KLRC1: variants seen among roughly 807,000 people sequenced by gnomAD.
The protein encoded by KLRC1 is NKG2-A/NKG2-B type II integral membrane protein.
A neutral mutation model predicts 25.9 loss-of-function variants in KLRC1; 22 were observed. The observed-to-expected ratio is 0.85, with a 90% CI of 0.61 to 1.21. The LOEUF is 1.21. KLRC1 is among the 50% of genes most tolerant of loss of function. The pLI, the probability that KLRC1 is intolerant of heterozygous loss-of-function variation, is 0.00. For synonymous variants in KLRC1, 77 were observed against 93.1 expected, an observed-to-expected ratio of 0.83 and a Z score of 0.99; for missense variants, 240 against 272.2, an observed-to-expected ratio of 0.88 and a Z score of 0.83.
chr12:10,443,632 T>A (rs1324422761), downstream of KLRC1, among the ~76,000 whole-genome samples: 1 of 141,826 alleles, frequency 7.1e-6, no homozygotes, highest in East Asian at 2.1e-4. Flanking sequence ...GACAGAAAGA[T>A]CTGAACTAGA....
rs768870976 is a variant in KLRC1, at chr12:10,447,513, G to T, written c.590+19C>A. ...CTTTATATATATATTGTTATATAGC[G>T]CCATACAAAACAACTTACTCATGTT... On this transcript the variant is annotated intron_variant, in intron 6 of 6. Coordinates refer to ENST00000359151, the MANE Select transcript of KLRC1 (RefSeq NM_002259.5). The T allele has an allele frequency of 6.5e-7, 1 of 1,548,468 alleles. No individual in the cohort carries two copies. Among genetic ancestry groups the T allele is most frequent in the South Asian group, 1.1e-5 (1 of 87,374 alleles).
downstream of KLRC1, among the ~76,000 whole-genome samples, chr12:10,444,224 A>C (rs1863945769): frequency 2.1e-5 from 3 of 142,066 alleles, 1 homozygote; most frequent in South Asian, 6.6e-4. Flanking sequence ...AACTAAATAC[A>C]AGTGGTGTAT....
At position 10,450,485 on chromosome 12, in the gene KLRC1, G is replaced by A; in HGVS notation, c.282C>T (p.Pro94=). The A allele has an allele frequency of 6.4e-7, 1 of 1,560,994 alleles. No homozygotes were observed. Among genetic ancestry groups the A allele is most frequent in the Admixed American group, 1.7e-5 (1 of 59,084 alleles). ...MASVVTIVVI[P]STLIQRHNNS... is the part of the protein sequence containing the mutation. ...TGTAATCTTCGAAAATAGACTTACA[G>A]GGAATAACAACTATCGTTACCACAG... The change falls in exon 3 of 7, where the codon CCC becomes CCT. Residue 94 remains proline, a splice_region_variant and synonymous_variant. Transcript: ENST00000359151.
chr12:10,450,658 G>T, intron 2 of KLRC1, 79 bp from the exon 3 acceptor site: 1 of 853,036 alleles, frequency 1.2e-6, no homozygotes, highest in Non-Finnish European at 1.9e-6. Flanking sequence ...AAGAGAACCT[G>T]AATGCACAGG....
chr12:10,449,503 C>T lies in KLRC1; in HGVS notation c.338-115G>A. Reference sequence around the variant, plus strand: ...CGTATGCAACATATCTATACATCTTCATGGGCTGGTAAATATATAGTGTCA... The same window carrying T: ...CGTATGCAACATATCTATACATCTTTATGGGCTGGTAAATATATAGTGTCA... On this transcript the variant is annotated intron_variant, in intron 4 of 6. Coordinates refer to ENST00000359151, the MANE Select transcript of KLRC1 (RefSeq NM_002259.5). 5 of 1,496,882 alleles carry T rather than the reference C, an allele frequency of 3.3e-6. No homozygotes were observed. In the South Asian group the frequency reaches 6.8e-5, roughly 20 times the overall value. 92.7% of individuals were successfully genotyped at this position (1,496,882 alleles called of 1,614,324 possible).
chr12:10,454,007 TC>T (rs1184115673), upstream of KLRC1, among the ~76,000 whole-genome samples: 1 of 152,254 alleles, frequency 6.6e-6, no homozygotes, highest in African/African-American at 2.4e-5. Context: ...TTCATTACAT[TC>T]TTCATTTATT....
intron 1 of KLRC1, among the ~76,000 whole-genome samples, chr12:10,452,847 T>C (rs1864152735): frequency 6.6e-6 from 1 of 152,220 alleles, no homozygotes; most frequent in Admixed American, 6.5e-5. Context: ...TTTATTTTAA[T>C]AATCTTTAAT....
intron 1 of KLRC1, chr12:10,451,443 G>A (rs889812417): frequency 9.7e-6 from 2 of 207,238 alleles, no homozygotes; most frequent in African/African-American, 4.6e-5. Flanking sequence ...CGATCACGAG[G>A]TCAGGAGATC....
chr12:10,450,244 C>T (rs1864093248), intron 3 of KLRC1: 1 of 466,994 alleles, frequency 2.1e-6, no homozygotes, highest in African/African-American at 2.0e-5. Flanking sequence ...TTTTCAGACT[C>T]CTAGAACATA....
chr12:10,448,960 C>G (rs941760227), intron 5 of KLRC1, among the ~76,000 whole-genome samples: 12 of 152,118 alleles, frequency 7.9e-5, no homozygotes, highest in African/African-American at 2.4e-4. Context: ...ATGACCAGAT[C>G]ACATCATGCC....
upstream of KLRC1, chr12:10,454,507 G>T: frequency 1.9e-6 from 1 of 529,358 alleles, no homozygotes; most frequent in Non-Finnish European, 2.4e-6. Flanking sequence ...TGTAGACCCT[G>T]AAACAGCCCT....
Position 10,451,079 on chromosome 12 carries a change from G to A in KLRC1, c.78C>T (p.Gly26=). ...CAGTTGCTAAAATGGAGTTTTTATT[G>A]CCTTTAGGTTTTCGTTGCTGCCTCT... ...NPKRQQRKPK[G]NKNSILATEQ... Residue 26 remains glycine (G), a synonymous_variant, in exon 2 of 7, where the codon GGC becomes GGT. Coordinates refer to ENST00000359151, the MANE Select transcript of KLRC1 (RefSeq NM_002259.5). 1.2e-6 allele frequency: 2 copies of A among 1,613,924 alleles called. No individual in the cohort carries two copies. The highest frequency in any genetic ancestry group is 1.7e-6 in the Non-Finnish European group (2 of 1,179,862).
rs1863992059 is a variant in KLRC1 at position 10,446,629 on chromosome 12, A to G, written c.624T>C (p.Cys208=). The G allele has an allele frequency of 6.2e-7, 1 of 1,613,854 alleles. No individual in the cohort carries two copies. The highest frequency in any genetic ancestry group is 8.5e-7 in the Non-Finnish European group (1 of 1,179,908). Residue 208 remains cysteine (C), a synonymous_variant, in exon 7 of 7, where the codon TGT becomes TGC. Transcript: ENST00000359151. ...IKDSDNAELN[C]AVLQVNRLKS... ...TAAGTCGATTTACTTGTAGCACTGC[A>G]CAGTTAAGTTCAGCATTATCTGAGT...
At chr12:10,445,830 G>T (rs1431549380), downstream of KLRC1, among the ~76,000 whole-genome samples, 1 of 151,848 alleles carries the variant, frequency 6.6e-6, no homozygotes, top group Non-Finnish European at 1.5e-5. Flanking sequence ...ATTTACAAAA[G>T]CATAAATGTA....
Position 10,446,175 on chromosome 12 carries a change from C to A in KLRC1, c.*376G>T, listed in dbSNP as rs866925115. On this transcript the variant is annotated 3_prime_UTR_variant, in exon 7 of 7. Transcript: ENST00000359151. Reference sequence around the variant, plus strand: ...ACTGAAATTTAGAAAGTTTTCATCACGACACAAAGTAACGTTCTATCAGTT... The same window carrying A: ...ACTGAAATTTAGAAAGTTTTCATCAAGACACAAAGTAACGTTCTATCAGTT... 1.6e-5 allele frequency: 3 copies of A among 186,546 alleles called. No individual in the cohort carries two copies. Among genetic ancestry groups the A allele is most frequent in the Admixed American group, 5.5e-5 (1 of 18,166 alleles). 11.6% of individuals were successfully genotyped at this position (186,546 alleles called of 1,614,324 possible).
rs1864157312 is a variant in KLRC1, at chr12:10,453,127, C to T, written c.-32+71G>A. The stretch of plus-strand genomic sequence containing the variant: ...TATATTAATTATACCTCCTTTGTAT[C>T]ATATTGAGCACTTGAAATCACCCAC... On this transcript the variant is annotated intron_variant, in intron 1 of 6. Coordinates refer to ENST00000359151, the MANE Select transcript of KLRC1 (RefSeq NM_002259.5). The T allele has an allele frequency of 6.9e-6, 4 of 577,022 alleles. No homozygotes were observed. In the South Asian group the frequency reaches 3.1e-4, roughly 44 times the overall value. 35.7% of individuals were successfully genotyped at this position (577,022 alleles called of 1,614,324 possible).
intron 3 of KLRC1, 167 bp downstream of exon 3, chr12:10,450,317 A>G: frequency 1.9e-6 from 1 of 526,628 alleles, no homozygotes; most frequent in Non-Finnish European, 3.3e-6. Context: ...ACTTTCAACA[A>G]TTATTCTTTC....
chr12:10,451,009 G>C lies in KLRC1; in HGVS notation c.148C>G (p.Gln50Glu), dbSNP rs1226014110. 1 of 1,613,428 alleles carries C rather than the reference G, an allele frequency of 6.2e-7. No homozygotes were observed. The change falls in exon 2 of 7, where the codon CAG becomes GAG. Residue 50 changes from glutamine (Q) to glutamate (E), a missense_variant. Physicochemically the swap from Gln to Glu is conservative, Grantham distance 29. Transcript: ENST00000359151. The stretch of plus-strand genomic sequence containing the variant: ...GTTTTGTCATTCCCTTGAAAATCCT[G>C]AGAAGCTTTTTGAAGGTTTAATTCC... ...YAELNLQKASQDFQGNDKTYH... is the reference protein window; with the variant it reads ...YAELNLQKASEDFQGNDKTYH...
At chr12:10,442,300 T>C (rs527914356), downstream of KLRC1, 1 of 482,252 alleles carries the variant, frequency 2.1e-6, no homozygotes, top group Non-Finnish European at 3.8e-6. Flanking sequence ...TTAACAAGTT[T>C]CTATGTGGAA....
Sources: gnomAD v4.1 joint callset for allele counts (sites outside exome capture counted in the v4.1 genomes callset) on GRCh38, gnomAD v4.1.1 for gene constraint, MANE v1.5 for transcripts, NCBI Gene and HGNC (gene_info 2026-07-23, HGNC 2026-07-21) for gene names.